The following MSRB3 variants were observed in gnomAD, a reference collection of about 807,000 sequenced individuals.
The protein encoded by MSRB3 is methionine-R-sulfoxide reductase B3.
Under a neutral mutation model 21.0 loss-of-function variants are expected in MSRB3, and 13 were observed. That is an observed-to-expected ratio of 0.62 (90% CI 0.40 to 0.98). The LOEUF (loss-of-function observed/expected upper bound fraction) is 0.98, where lower values mean the gene tolerates loss of function less well. Among genes scored for constraint, MSRB3 ranks in the 50% least tolerant of loss-of-function variants. The pLI is 0.00. For missense variants in MSRB3, 199 were observed against 230.3 expected, an observed-to-expected ratio of 0.86 and a Z score of 0.88; for synonymous variants, 87 against 88.6, an observed-to-expected ratio of 0.98 and a Z score of 0.10.
At chr12:65,391,905 G>C (rs528795714) in intron 5 of MSRB3, among the ~76,000 whole-genome samples, 12 of 152,306 alleles carry the variant, frequency 7.9e-5, no homozygotes, top group African/African-American at 2.9e-4. Context: ...CACAGATGGA[G>C]AGGAGAAGAG....
Position 65,312,128 on chromosome 12 carries a change from ACTT to A in MSRB3, c.76+3476_76+3478del, listed in dbSNP as rs1874026008. 3.9e-5 allele frequency among the ~76,000 whole-genome samples: 6 copies of A among 152,184 alleles called. No individual in the cohort carries two copies. In the South Asian group the frequency reaches 1.2e-3, roughly 32 times the overall value. On this transcript the variant is annotated intron_variant, in intron 2 of 6. Coordinates refer to ENST00000308259, the MANE Select transcript of MSRB3 (RefSeq NM_001031679.3). ...TGCGTGACCTTGAACAAATCAATAA[ACTT>A]CTCCTGATCACAGTCTCTTCATCTT... is the stretch of plus-strand genomic sequence containing the variant.
chr12:65,351,303 A>C (rs917846191), intron 4 of MSRB3, among the ~76,000 whole-genome samples: 1 of 149,422 alleles, frequency 6.7e-6, no homozygotes, highest in Non-Finnish European at 1.5e-5. Flanking sequence ...TCTGGGACAC[A>C]TTCAAAGAAG....
At chr12:65,379,115 G>C (rs1878798399) in intron 5 of MSRB3, among the ~76,000 whole-genome samples, 1 of 152,162 alleles carries the variant, frequency 6.6e-6, no homozygotes, top group Admixed American at 6.5e-5. Context: ...GTCCTGGCTA[G>C]TGAGACCTCT....
At chr12:65,458,125 A>G (rs530971527) in intron 6 of MSRB3, among the ~76,000 whole-genome samples, 7 of 152,190 alleles carry the variant, frequency 4.6e-5, no homozygotes, top group African/African-American at 1.7e-4. Flanking sequence ...TTAACTGCCA[A>G]CTTCTACAAA....
Position 65,296,880 on chromosome 12 carries a change from CATGGAAGTGATAGGGAGAAGGA to C in MSRB3, c.-51-11647_-51-11626del, listed in dbSNP as rs1369560573. On this transcript the variant is annotated intron_variant, in intron 1 of 6. Transcript: ENST00000308259. ...TGGAGGAAGAACTGATTAATTTTCT[CATGGAAGTGATAGGGAGAAGGA>C]AGTGGGGGACAACTGTGAAAGAAAT... 4.3e-4 allele frequency among the ~76,000 whole-genome samples: 65 copies of C among 152,212 alleles called. No individual in the cohort carries two copies. The East Asian group carries it at 0.012, about 27-fold the overall frequency.
At chr12:65,321,771 T>C (rs1156567892) in intron 2 of MSRB3, among the ~76,000 whole-genome samples, 6 of 152,176 alleles carry the variant, frequency 3.9e-5, no homozygotes. Context: ...ATGCCTGAAG[T>C]AAAAATTTGC....
chr12:65,367,204 T>C (rs1028874205), intron 4 of MSRB3, among the ~76,000 whole-genome samples: 1 of 152,228 alleles, frequency 6.6e-6, no homozygotes, highest in Non-Finnish European at 1.5e-5. Flanking sequence ...TTTTACATTA[T>C]AATTTGATTG....
chr12:65,462,699 A>G (rs543729657), intron 6 of MSRB3, among the ~76,000 whole-genome samples: 20 of 152,348 alleles, frequency 1.3e-4, no homozygotes, highest in African/African-American at 4.8e-4. Flanking sequence ...TTTACTGCCC[A>G]TGAAAGCAAA....
At position 65,278,773 on chromosome 12, in the gene MSRB3, GC is replaced by G. The variant is rs1565810868; in HGVS notation, c.-141del. On this transcript the variant is annotated 5_prime_UTR_variant, in exon 1 of 7. It removes the in-frame stop codon of an upstream open reading frame in the 5' UTR. Transcript: ENST00000308259. ...CGGCGGCTGCCTGGCCTTTCCATGA[GC>G]CCGCGGCGGACCCTCCCGCGCCCCC... 1 of 1,577,390 alleles carries G rather than the reference GC, an allele frequency of 6.3e-7. No individual in the cohort carries two copies. The highest frequency in any genetic ancestry group is 1.2e-5 in the South Asian group (1 of 86,020).
intron 1 of MSRB3, among the ~76,000 whole-genome samples, chr12:65,287,463 G>A (rs11175717): frequency 6.6e-6 from 1 of 152,126 alleles, no homozygotes; most frequent in Admixed American, 6.5e-5. Flanking sequence ...GATTGTCAGA[G>A]AACCTGAGTT....
chr12:65,435,030 A>G (rs187753886), intron 5 of MSRB3, among the ~76,000 whole-genome samples: 39 of 151,972 alleles, frequency 2.6e-4, no homozygotes, highest in African/African-American at 7.7e-4. Flanking sequence ...AGAGGAAGGG[A>G]TGGAAATTAG....
At chr12:65,285,862 T>C (rs1413158528) in intron 1 of MSRB3, 1 of 152,224 alleles carries the variant, frequency 6.6e-6, no homozygotes, top group Admixed American at 6.5e-5. Flanking sequence ...AAGTGTTTTC[T>C]TAGGGTCTAG....
At chr12:65,410,377 C>T (rs1880650178) in intron 5 of MSRB3, among the ~76,000 whole-genome samples, 1 of 152,072 alleles carries the variant, frequency 6.6e-6, no homozygotes, top group Admixed American at 6.6e-5. Context: ...TAGCACAGGC[C>T]AGGTGTGGTG....
At chr12:65,436,266 A>G (rs1403210926) in intron 5 of MSRB3, among the ~76,000 whole-genome samples, 1 of 151,944 alleles carries the variant, frequency 6.6e-6, no homozygotes, top group Admixed American at 6.6e-5. Context: ...AAATGTTTTC[A>G]TATCATAATA....
At chr12:65,368,519 A>G (rs1247285169) in intron 4 of MSRB3, among the ~76,000 whole-genome samples, 1 of 152,204 alleles carries the variant, frequency 6.6e-6, no homozygotes, top group Non-Finnish European at 1.5e-5. Context: ...TGTTCCCACA[A>G]GAGCTCAGAA....
chr12:65,458,788 T>C (rs1883199035), intron 6 of MSRB3, among the ~76,000 whole-genome samples: 1 of 152,220 alleles, frequency 6.6e-6, no homozygotes, highest in African/African-American at 2.4e-5. Flanking sequence ...GCAGCCATCT[T>C]GTAACAATTT....
intron 1 of MSRB3, among the ~76,000 whole-genome samples, chr12:65,280,585 G>T (rs1431183289): frequency 6.6e-6 from 1 of 152,102 alleles, no homozygotes; most frequent in African/African-American, 2.4e-5. Flanking sequence ...TTTAATTCCG[G>T]TCCCAGCTGA....
At chr12:65,287,508 A>G (rs543865252) in intron 1 of MSRB3, among the ~76,000 whole-genome samples, 1 of 152,288 alleles carries the variant, frequency 6.6e-6, no homozygotes, top group South Asian at 2.1e-4. Context: ...AGGGCCTATT[A>G]TAGGTGAATA....
chr12:65,345,681 G>T (rs1016387821), intron 4 of MSRB3, among the ~76,000 whole-genome samples: 2 of 151,978 alleles, frequency 1.3e-5, no homozygotes, highest in Non-Finnish European at 2.9e-5. Flanking sequence ...GCTGCACCCA[G>T]TAACTCATCA....
Sources: allele counts gnomAD v4.1 joint callset (sites outside exome capture counted in the v4.1 genomes callset), GRCh38; gene constraint gnomAD v4.1.1; transcripts MANE v1.5; gene names NCBI Gene and HGNC (gene_info 2026-07-23, HGNC 2026-07-21).